The following MAPDA variants were observed in gnomAD, a reference collection of about 807,000 sequenced individuals.
MAPDA encodes the protein N6,N6-dimethyl-AMP deaminase.
chr15:43,348,875 G>A, the MAPDA span: 51 of 1,605,030 alleles, frequency 3.2e-5, no homozygotes, highest in Non-Finnish European at 4.3e-5. Flanking sequence ...ACTGAAAGAG[G>A]CCATTGATCC....
At chr15:43,331,230 A>G in the MAPDA span, among the ~76,000 whole-genome samples, 1 of 152,252 alleles carries the variant, frequency 6.6e-6, no homozygotes, top group Non-Finnish European at 1.5e-5. Context: ...ACCGCCTTGG[A>G]GAATTCTGTG....
At chr15:43,335,451 T>C in the MAPDA span, among the ~76,000 whole-genome samples, 38 of 152,242 alleles carry the variant, frequency 2.5e-4, no homozygotes, top group Admixed American at 1.8e-3. Flanking sequence ...GGAGAATCGC[T>C]TGAACCCAGG....
chr15:43,341,963 C>T, the MAPDA span, among the ~76,000 whole-genome samples: 1 of 151,928 alleles, frequency 6.6e-6, no homozygotes, highest in Non-Finnish European at 1.5e-5. Context: ...CTCAGCCTCC[C>T]GAGTAGCAGG....
At chr15:43,349,175 T>A in the MAPDA span, 1 of 1,479,666 alleles carries the variant, frequency 6.8e-7, no homozygotes, top group Non-Finnish European at 9.0e-7. Flanking sequence ...AGATGGAGTG[T>A]GTGCTTTCTG....
chr15:43,350,925 TCCCC>T, the MAPDA span: 1 of 1,545,642 alleles, frequency 6.5e-7, no homozygotes, highest in Admixed American at 2.0e-5. Flanking sequence ...GAGGTTTTTT[TCCCC>T]TTTTCATCTA....
At chr15:43,334,664 T>TATATATA in the MAPDA span, among the ~76,000 whole-genome samples, 28 of 121,870 alleles carry the variant, frequency 2.3e-4, no homozygotes, top group East Asian at 9.1e-4. Context: ...TATATATATA[T>TATATATA]TTTATCCAAA....
chr15:43,333,502 A>G, the MAPDA span: 1 of 152,148 alleles, frequency 6.6e-6, no homozygotes, highest in Non-Finnish European at 1.5e-5. Flanking sequence ...CATTGATTAA[A>G]TAGTCCATCT....
chr15:43,341,991 AC>A, the MAPDA span, among the ~76,000 whole-genome samples: 1 of 151,942 alleles, frequency 6.6e-6, no homozygotes, highest in African/African-American at 2.4e-5. Context: ...GGCACATGCC[AC>A]CACACTTGGC....
At chr15:43,336,254 A>G in the MAPDA span, among the ~76,000 whole-genome samples, 5 of 152,200 alleles carry the variant, frequency 3.3e-5, no homozygotes, top group African/African-American at 9.6e-5. Flanking sequence ...TATGTTGCCC[A>G]GGCTGGTCTC....
At chr15:43,342,923 A>C in the MAPDA span, 6 of 1,115,824 alleles carry the variant, frequency 5.4e-6, no homozygotes, top group South Asian at 7.3e-5. Flanking sequence ...TTGTTCATAT[A>C]GGATTGCTGA....
chr15:43,351,607 C>G, the MAPDA span: 1 of 685,124 alleles, frequency 1.5e-6, no homozygotes, highest in South Asian at 2.0e-5. Context: ...TTAGTTACAG[C>G]TATGCATAGA....
chr15:43,346,682 G>C, the MAPDA span, among the ~76,000 whole-genome samples: 1 of 152,198 alleles, frequency 6.6e-6, no homozygotes, highest in Admixed American at 6.5e-5. Context: ...GTAATCATGA[G>C]AGTTCCTGAG....
the MAPDA span, chr15:43,349,151 A>G: frequency 5.9e-6 from 9 of 1,537,988 alleles, no homozygotes; most frequent in Admixed American, 2.2e-5. Context: ...TACGAATGTC[A>G]TCTAGCTATT....
the MAPDA span, among the ~76,000 whole-genome samples, chr15:43,343,382 C>T: frequency 6.6e-6 from 1 of 152,212 alleles, no homozygotes; most frequent in Non-Finnish European, 1.5e-5. Flanking sequence ...ACTTCAGCAG[C>T]TCATCTAGAC....
chr15:43,351,052 C>G, the MAPDA span: 2 of 1,549,678 alleles, frequency 1.3e-6, no homozygotes, highest in South Asian at 2.4e-5. Flanking sequence ...GTAAGGTGTT[C>G]CGTGTGAAGT....
the MAPDA span, among the ~76,000 whole-genome samples, chr15:43,350,127 G>A: frequency 6.6e-6 from 1 of 152,094 alleles, no homozygotes; most frequent in African/African-American, 2.4e-5. Flanking sequence ...GGAGTGCAGT[G>A]GCGCGATAGC....
At chr15:43,343,449 ACTGTT>A in the MAPDA span, among the ~76,000 whole-genome samples, 3 of 152,098 alleles carry the variant, frequency 2.0e-5, no homozygotes, top group African/African-American at 4.8e-5. Flanking sequence ...AGCAAAAAAG[ACTGTT>A]CCCCTTCAGC....
chr15:43,335,642 A>G, the MAPDA span: 6 of 1,538,800 alleles, frequency 3.9e-6, no homozygotes, highest in Admixed American at 1.3e-4. Flanking sequence ...GTACTTGGTA[A>G]GATGCTATGA....
At chr15:43,340,085 C>A in the MAPDA span, among the ~76,000 whole-genome samples, 1 of 152,324 alleles carries the variant, frequency 6.6e-6, no homozygotes, top group African/African-American at 2.4e-5. Context: ...GGAAATATTG[C>A]AGCCCTGCAT....
Sources: allele counts gnomAD v4.1 joint callset (sites outside exome capture counted in the v4.1 genomes callset), GRCh38; gene constraint gnomAD v4.1.1; transcripts MANE v1.5; gene names NCBI Gene and HGNC (gene_info 2026-07-23, HGNC 2026-07-21).